The following NUP155 variants were observed in gnomAD, a reference collection of about 807,000 sequenced individuals.
The protein encoded by NUP155 is nucleoporin 155.
Under a neutral mutation model 180.4 loss-of-function variants are expected in NUP155, and 71 were observed. The observed-to-expected ratio is 0.39, with a 90% CI of 0.33 to 0.48. NUP155 has a LOEUF of 0.48. Ranked by LOEUF, NUP155 falls within the 20% of genes least tolerant of loss-of-function variation. NUP155 has a pLI of 0.91. For missense variants in NUP155, 1,553 were observed against 1,648.9 expected (o/e 0.94, Z 1.01); for synonymous variants, 582 against 559.5 (o/e 1.04, Z -0.57).
rs143939377 is a variant in NUP155, at chr5:37,357,348, G to A, written c.463+733C>T. Among the ~76,000 whole-genome samples, 135 of 118,538 alleles carry A rather than the reference G, an allele frequency of 1.1e-3. 1 individual carries two copies. In the East Asian group the frequency reaches 0.031, roughly 27 times the overall value. The allele number at this position is 118,538 out of a possible 152,430, so 77.8% of individuals were successfully genotyped here. ...GGAGGTTGAGGCTGTAGTGAGCCAT[G>A]ATCATGCCACTGCACTCCAGCCCGG... On this transcript the variant is annotated intron_variant, in intron 4 of 34. Coordinates refer to ENST00000231498, the MANE Select transcript of NUP155 (RefSeq NM_153485.3).
chr5:37,364,058 T>A (rs1054881877), intron 2 of NUP155, 74 bp from the exon 3 acceptor site: 2 of 1,283,930 alleles, frequency 1.6e-6, no homozygotes, highest in African/African-American at 2.9e-5. Flanking sequence ...AGCTTTTGAC[T>A]TAATATTTAC....
At chr5:37,301,605 G>C in intron 29 of NUP155, 55 bp from the exon 30 acceptor site, 1 of 1,080,612 alleles carries the variant, frequency 9.3e-7, no homozygotes, top group South Asian at 1.3e-5. Flanking sequence ...ATCAACATAC[G>C]TTTGAAAGAA....
At chr5:37,349,275 A>G (rs1381801507) in intron 7 of NUP155, 30 bp from the exon 8 acceptor site, 2 of 725,236 alleles carry the variant, frequency 2.8e-6, no homozygotes, top group Admixed American at 3.1e-5. Flanking sequence ...AAAAAAGAGA[A>G]AAAAGTAAAC....
chr5:37,345,217 C>G (rs1228192319), intron 9 of NUP155, among the ~76,000 whole-genome samples: 1 of 151,246 alleles, frequency 6.6e-6, no homozygotes, highest in African/African-American at 2.4e-5. Flanking sequence ...TGTTATGTAA[C>G]AGACTAAAGG....
rs775569227 is a variant in NUP155, at chr5:37,352,810, C to T, written c.483G>A (p.Val161=). Residue 161 remains valine, a synonymous_variant, in exon 5 of 35, where the codon GTG becomes GTA. Coordinates refer to ENST00000231498, the MANE Select transcript of NUP155 (RefSeq NM_153485.3). The part of the protein sequence containing the change: ...KPKAGIFQPH[V]RHLLVLATPV... ...GGGTCGCCAAAACCAGGAGGTGTCG[C>T]ACATGAGGTTGAAAGATGCCTAAGA... 1 of 1,613,186 alleles carries T rather than the reference C, an allele frequency of 6.2e-7. No homozygotes were observed. Among genetic ancestry groups the T allele is most frequent in the Non-Finnish European group, 8.5e-7 (1 of 1,179,348 alleles).
At chr5:37,305,674 T>C (rs1229704064) in intron 25 of NUP155, among the ~76,000 whole-genome samples, 2 of 151,872 alleles carry the variant, frequency 1.3e-5, no homozygotes, top group African/African-American at 4.8e-5. Flanking sequence ...AGCAAGACCC[T>C]GTCTCAAAAA....
At chr5:37,342,291 C>A (rs138382387) in intron 10 of NUP155, 2 of 369,010 alleles carry the variant, frequency 5.4e-6, no homozygotes, top group East Asian at 5.8e-5. Flanking sequence ...AGGCAATCTG[C>A]CTGCCTTGAT....
At chr5:37,317,205 G>A (rs1170577330) in intron 21 of NUP155, among the ~76,000 whole-genome samples, 2 of 148,390 alleles carry the variant, frequency 1.3e-5, no homozygotes, top group Non-Finnish European at 3.0e-5. Flanking sequence ...AAGTAAAAAT[G>A]GGGCTGGGCA....
At chr5:37,325,508 C>T (rs1744535344) in intron 19 of NUP155, among the ~76,000 whole-genome samples, 1 of 152,106 alleles carries the variant, frequency 6.6e-6, no homozygotes, top group African/African-American at 2.4e-5. Context: ...AGGCCCCCTG[C>T]CTGTAATCTT....
chr5:37,335,380 GAAAA>G (rs5867345), intron 12 of NUP155, among the ~76,000 whole-genome samples: 6 of 116,624 alleles, frequency 5.1e-5, no homozygotes, highest in African/African-American at 7.3e-5. Context: ...CCCTGTCTCA[GAAAA>G]AAAAAAAAAA....
intron 9 of NUP155, among the ~76,000 whole-genome samples, chr5:37,346,218 T>C (rs1205553132): frequency 6.6e-6 from 1 of 150,984 alleles, no homozygotes; most frequent in Non-Finnish European, 1.5e-5. Context: ...ATTGAGGCTA[T>C]AGCAGACTAC....
intron 1 of NUP155, among the ~76,000 whole-genome samples, chr5:37,369,158 G>A (rs1050538877): frequency 2.6e-5 from 4 of 152,078 alleles, no homozygotes; most frequent in African/African-American, 7.2e-5. Context: ...AGGGCAAGGC[G>A]GGAGGACCAC....
At position 37,288,438 on chromosome 5, in the gene NUP155, CAGTT is replaced by C. The variant is rs1261819814; in HGVS notation, c.*3458_*3461del. The C allele has an allele frequency of 6.9e-6, 1 of 143,924 alleles. No homozygotes were observed. Among genetic ancestry groups the C allele is most frequent in the African/African-American group, 2.9e-5 (1 of 34,072 alleles). The allele number at this position is 143,924 out of a possible 1,614,324, so 8.9% of individuals were successfully genotyped here. ...ATCAGTCAGTATCTCATAGCATAAA[CAGTT>C]AGTCAAGATAGCTTTCTCTTTCCTA... On this transcript the variant is annotated 3_prime_UTR_variant, in exon 35 of 35. Coordinates refer to ENST00000231498, the MANE Select transcript of NUP155 (RefSeq NM_153485.3).
intron 22 of NUP155, 51 bp from the exon 23 acceptor site, chr5:37,310,794 A>T: frequency 7.7e-7 from 1 of 1,300,814 alleles, no homozygotes; most frequent in South Asian, 1.3e-5. Context: ...CATATTTCTA[A>T]ACATAATGAA....
Position 37,295,407 on chromosome 5 carries a change from C to A in NUP155, c.3794-942G>T, listed in dbSNP as rs1419304813. Among the ~76,000 whole-genome samples the A allele has an allele frequency of 9.9e-4, 150 of 152,248 alleles. 1 individual carries two copies. The highest frequency in any genetic ancestry group is 3.2e-3 in the African/African-American group (132 of 41,510). ...GATCTCGGCTCCCTACAACATCCAC[C>A]TCCCAGCAGCCTGCCTTGGCCTCCC... On this transcript the variant is annotated intron_variant, in intron 32 of 34. Coordinates refer to ENST00000231498, the MANE Select transcript of NUP155 (RefSeq NM_153485.3).
chr5:37,350,338 T>G (rs1746375600), intron 6 of NUP155, 73 bp from the exon 7 acceptor site: 1 of 966,448 alleles, frequency 1.0e-6, no homozygotes, highest in African/African-American at 1.6e-5. Flanking sequence ...TATATCCATA[T>G]TTATAAAAAC....
At chr5:37,332,467 G>A (rs1429513245) in intron 13 of NUP155, among the ~76,000 whole-genome samples, 3 of 151,562 alleles carry the variant, frequency 2.0e-5, no homozygotes, top group Non-Finnish European at 4.4e-5. Flanking sequence ...GACTACAGGC[G>A]CCCACCACCA....
chr5:37,367,085 G>A (rs1183095829), intron 1 of NUP155, among the ~76,000 whole-genome samples: 1 of 149,376 alleles, frequency 6.7e-6, no homozygotes, highest in African/African-American at 2.5e-5. Flanking sequence ...TCACTCTGTC[G>A]CCTTGGCTGG....
At chr5:37,349,130 GATTT>G (rs762614504) in intron 8 of NUP155, 38 bp downstream of exon 8, 36 of 462,592 alleles carry the variant, frequency 7.8e-5, no homozygotes, top group Non-Finnish European at 1.2e-4. Flanking sequence ...TAAAAATAAG[GATTT>G]ATTTGACTCT....
Sources: gnomAD v4.1 joint callset for allele counts (sites outside exome capture counted in the v4.1 genomes callset) on GRCh38, gnomAD v4.1.1 for gene constraint, MANE v1.5 for transcripts, NCBI Gene and HGNC (gene_info 2026-07-23, HGNC 2026-07-21) for gene names.